The following SEMA3A variants were observed in gnomAD, a reference collection of about 807,000 sequenced individuals.
SEMA3A encodes semaphorin 3A.
Under a neutral mutation model 97.9 loss-of-function variants are expected in SEMA3A, and 29 were observed. That is an observed-to-expected ratio of 0.30 (90% CI 0.22 to 0.40). The LOEUF (loss-of-function observed/expected upper bound fraction) is 0.40, where lower values mean the gene tolerates loss of function less well. SEMA3A is among the 10% of genes least tolerant of loss of function. The pLI, the probability that SEMA3A is intolerant of heterozygous loss-of-function variation, is 1.00. For missense variants in SEMA3A, 763 were observed against 951.3 expected, an observed-to-expected ratio of 0.80 and a Z score of 2.60; for synonymous variants, 321 against 323.7, an observed-to-expected ratio of 0.99 and a Z score of 0.09.
intron 1 of SEMA3A, among the ~76,000 whole-genome samples, chr7:84,192,383 T>A (rs1798075089): frequency 6.6e-6 from 1 of 151,954 alleles, no homozygotes. Flanking sequence ...TTCTTCTTCC[T>A]GTTGTTCATT....
chr7:84,018,653 C>T (rs536607716), intron 6 of SEMA3A, among the ~76,000 whole-genome samples: 1 of 152,226 alleles, frequency 6.6e-6, no homozygotes, highest in East Asian at 1.9e-4. Context: ...CCAGAAACAT[C>T]TCAGGTGAAG....
chr7:84,482,904 G>A lies in SEMA3A; in HGVS notation c.-246+9556C>T, dbSNP rs535756499. On this transcript the variant is annotated intron_variant, in intron 1 of 3. Coordinates refer to the SEMA3A transcript ENST00000424555. ...TGGAGTGTAGTCTCAAACTTTCTTA[G>A]TCTAGTCTCATCTGAAAGTACCCTT... 3.5e-5 allele frequency among the ~76,000 whole-genome samples: 5 copies of A among 142,116 alleles called. No individual in the cohort carries two copies. The South Asian group carries it at 1.1e-3, about 32-fold the overall frequency. 93.2% of individuals were successfully genotyped at this position (142,116 alleles called of 152,430 possible). A position where few individuals can be genotyped will look rare whatever the true frequency, so the allele number is the denominator to read the frequency against.
chr7:84,045,978 A>C (rs1333974129), intron 6 of SEMA3A, among the ~76,000 whole-genome samples: 1 of 151,464 alleles, frequency 6.6e-6, no homozygotes, highest in African/African-American at 2.4e-5. Flanking sequence ...AAGGAAAAAA[A>C]AAAACTACAC....
At chr7:84,287,392 A>T (rs1184230385) in intron 3 of SEMA3A, among the ~76,000 whole-genome samples, 4 of 151,968 alleles carry the variant, frequency 2.6e-5, no homozygotes, top group Non-Finnish European at 5.9e-5. Flanking sequence ...AGTATATTCC[A>T]TTTGCTTTGA....
At chr7:84,340,489 C>A (rs1388687601) in intron 2 of SEMA3A, among the ~76,000 whole-genome samples, 1 of 151,948 alleles carries the variant, frequency 6.6e-6, no homozygotes, top group East Asian at 1.9e-4. Flanking sequence ...GATGAAAATG[C>A]ATCAAAAGCC....
intron 1 of SEMA3A, among the ~76,000 whole-genome samples, chr7:84,424,462 T>A (rs1203786378): frequency 3.4e-5 from 4 of 117,084 alleles, no homozygotes; most frequent in Non-Finnish European, 3.3e-5. Context: ...AATAATACAA[T>A]TTAATATACA....
chr7:84,203,259 A>T (rs568953433), intron 3 of SEMA3A, among the ~76,000 whole-genome samples: 30 of 151,942 alleles, frequency 2.0e-4, no homozygotes, highest in African/African-American at 7.0e-4. Context: ...GCATTTATCT[A>T]TTATAGTTCC....
intron 2 of SEMA3A, among the ~76,000 whole-genome samples, chr7:84,344,761 C>G (rs1802254664): frequency 1.3e-5 from 2 of 152,070 alleles, no homozygotes; most frequent in South Asian, 4.2e-4. Context: ...ATCTGGAGCT[C>G]AAGGATTACG....
chr7:84,438,955 T>C (rs1434788229), intron 1 of SEMA3A, among the ~76,000 whole-genome samples: 1 of 152,068 alleles, frequency 6.6e-6, no homozygotes, highest in Non-Finnish European at 1.5e-5. Flanking sequence ...TATCAGTGTG[T>C]CTCAACTGTG....
chr7:84,250,254 AT>A lies in SEMA3A; in HGVS notation c.-82-55587del, dbSNP rs555623056. Reference sequence around the variant, plus strand: ...AAATTTACATTTTGGTTACATTAATATTTTTTTTTTTCATCTGTGGTTTAAA... The same window carrying A: ...AAATTTACATTTTGGTTACATTAATATTTTTTTTTTCATCTGTGGTTTAAA... On this transcript the variant is annotated intron_variant, in intron 3 of 3. Transcript: ENST00000424555. Among the ~76,000 whole-genome samples the A allele has an allele frequency of 4.9e-3, 733 of 148,516 alleles. 7 individuals carry two copies. Among genetic ancestry groups the A allele is most frequent in the African/African-American group, 0.013 (521 of 40,748 alleles).
chr7:84,447,460 T>C (rs1464860166), intron 1 of SEMA3A, among the ~76,000 whole-genome samples: 2 of 152,092 alleles, frequency 1.3e-5, no homozygotes, highest in Non-Finnish European at 2.9e-5. Context: ...GCCTTGCCCA[T>C]GGCCGCCCAT....
intron 6 of SEMA3A, among the ~76,000 whole-genome samples, chr7:84,030,067 T>C (rs1344542984): frequency 6.6e-6 from 1 of 152,144 alleles, no homozygotes; most frequent in Non-Finnish European, 1.5e-5. Context: ...GTGTGGCTCA[T>C]GTTCAAGAAG....
intron 2 of SEMA3A, among the ~76,000 whole-genome samples, chr7:84,356,360 T>A (rs1802561566): frequency 6.6e-6 from 1 of 151,592 alleles, no homozygotes; most frequent in Non-Finnish European, 1.5e-5. Context: ...TATCCAATAA[T>A]GAAATCCAAA....
intron 2 of SEMA3A, among the ~76,000 whole-genome samples, chr7:84,362,201 G>A (rs1459883419): frequency 1.3e-5 from 2 of 151,708 alleles, no homozygotes; most frequent in East Asian, 1.9e-4. Flanking sequence ...GCAATGTACT[G>A]AGAACCCCAT....
At chr7:84,419,679 G>C (rs1019810973) in intron 1 of SEMA3A, among the ~76,000 whole-genome samples, 5 of 152,122 alleles carry the variant, frequency 3.3e-5, no homozygotes, top group Admixed American at 6.6e-5. Context: ...GTTCAGAGTG[G>C]AATGTATGCT....
At position 83,959,760 on chromosome 7, in the gene SEMA3A, T is replaced by A. The variant is rs1430915509; in HGVS notation, c.*1611A>T. Reference sequence around the variant, plus strand: ...GTTTTCTTTGCATTTTTGTGCATGATGAGGAACCTGGGGGAGGAGTCCTGA... The same window carrying A: ...GTTTTCTTTGCATTTTTGTGCATGAAGAGGAACCTGGGGGAGGAGTCCTGA... On this transcript the variant is annotated 3_prime_UTR_variant, in exon 17 of 17. Transcript: ENST00000265362. The A allele has an allele frequency of 1.3e-5, 2 of 152,098 alleles. No homozygotes were observed. Among genetic ancestry groups the A allele is most frequent in the African/African-American group, 4.8e-5 (2 of 41,466 alleles). The allele number at this position is 152,098 out of a possible 1,614,324, so 9.4% of individuals were successfully genotyped here. A position where few individuals can be genotyped will look rare whatever the true frequency, so the allele number is the denominator to read the frequency against.
rs576132291 is a variant in SEMA3A, at chr7:84,250,287, C to T, written c.-82-55619G>A. Among the ~76,000 whole-genome samples the T allele has an allele frequency of 4.0e-5, 6 of 148,762 alleles. No individual in the cohort carries two copies. In the East Asian group the frequency reaches 9.8e-4, roughly 24 times the overall value. On this transcript the variant is annotated intron_variant, in intron 3 of 3. Coordinates refer to the SEMA3A transcript ENST00000424555. ...TTTTCATCTGTGGTTTAAAACCAAA[C>T]CAAAAAAAGAAAAAAAAAGTAACAT...
intron 4 of SEMA3A, among the ~76,000 whole-genome samples, chr7:84,071,886 A>G (rs1407451916): frequency 2.0e-5 from 3 of 152,162 alleles, no homozygotes; most frequent in Admixed American, 2.0e-4. Context: ...TGGTTGGAAG[A>G]GACTGTGGAA....
chr7:84,182,663 A>G (rs1032383602), intron 1 of SEMA3A, among the ~76,000 whole-genome samples: 5 of 152,090 alleles, frequency 3.3e-5, no homozygotes, highest in African/African-American at 1.2e-4. Context: ...ACAATTACAC[A>G]AATTACCTTG....
Sources: gnomAD v4.1 joint callset for allele counts (sites outside exome capture counted in the v4.1 genomes callset) on GRCh38, gnomAD v4.1.1 for gene constraint, MANE v1.5 for transcripts, NCBI Gene and HGNC (gene_info 2026-07-23, HGNC 2026-07-21) for gene names.